Variants in SLK observed in about 807,000 individuals in gnomAD.
SLK encodes the protein STE20 like kinase, also known as STE20-like serine/threonine-protein kinase.
A neutral mutation model predicts 147.7 loss-of-function variants in SLK; 67 were observed. That is an observed-to-expected ratio of 0.45 (90% CI 0.37 to 0.56). The LOEUF (loss-of-function observed/expected upper bound fraction) is 0.56. Ranked by LOEUF, SLK falls within the 20% of genes least tolerant of loss-of-function variation. The pLI is 0.00. For missense variants in SLK, 1,136 were observed against 1,438.8 expected, an observed-to-expected ratio of 0.79 and a Z score of 3.41; for synonymous variants, 441 against 475.0, an observed-to-expected ratio of 0.93 and a Z score of 0.93.
intron 12 of SLK, among the ~76,000 whole-genome samples, chr10:104,009,986 T>G (rs1256512006): frequency 6.6e-6 from 1 of 152,146 alleles, no homozygotes; most frequent in African/African-American, 2.4e-5. Flanking sequence ...AACACATGAT[T>G]GTTTTTCATA....
intron 3 of SLK, 107 bp downstream of exon 3, chr10:103,992,753 G>A: frequency 1.2e-6 from 1 of 804,976 alleles, no homozygotes; most frequent in Non-Finnish European, 1.9e-6. Context: ...ATCGAGTAAA[G>A]TTCAGTAAGT....
At chr10:104,011,694 G>A (rs1844402764) in intron 13 of SLK, among the ~76,000 whole-genome samples, 1 of 151,852 alleles carries the variant, frequency 6.6e-6, no homozygotes, top group East Asian at 1.9e-4. Context: ...CCGAGTAGCT[G>A]GGACTACAGG....
At chr10:104,014,622 T>A (rs58172955) in intron 13 of SLK, among the ~76,000 whole-genome samples, 180 of 152,316 alleles carry the variant, frequency 1.2e-3, no homozygotes, top group African/African-American at 4.1e-3. Flanking sequence ...ATCATTACCA[T>A]TTTTAGCCTT....
chr10:103,992,141 G>GTTTTTTTTTTTTTTTTTT lies in SLK; in HGVS notation c.316-456_316-439dup, dbSNP rs56381345. 6.2e-4 allele frequency among the ~76,000 whole-genome samples: 57 copies of GTTTTTTTTTTTTTTTTTT among 91,794 alleles called. 1 individual carries two copies. Among genetic ancestry groups the GTTTTTTTTTTTTTTTTTT allele is most frequent in the Admixed American group, 7.1e-4 (5 of 6,994 alleles). The allele number at this position is 91,794 out of a possible 152,430, so 60.2% of individuals were successfully genotyped here. ...TGAAGCTTTTGTGGGTATTTCTTCTGTTTTTTTTTTTTTTTTTTCTAAAAG... is the reference window on the plus strand; with the variant it reads ...TGAAGCTTTTGTGGGTATTTCTTCTGTTTTTTTTTTTTTTTTTTTTTTTTTTTTTTTTTTTTCTAAAAG... On this transcript the variant is annotated intron_variant, in intron 2 of 18. Transcript: ENST00000369755.
intron 1 of SLK, among the ~76,000 whole-genome samples, chr10:103,990,401 G>C (rs928363368): frequency 3.3e-5 from 5 of 152,076 alleles, no homozygotes; most frequent in African/African-American, 7.2e-5. Flanking sequence ...AGTGTTGATG[G>C]GGGGGTGGTT....
chr10:104,005,863 A>G (rs1217317141), intron 10 of SLK, 49 bp from the exon 11 acceptor site: 1 of 1,562,032 alleles, frequency 6.4e-7, no homozygotes, highest in East Asian at 2.3e-5. Flanking sequence ...CGTATTTCAG[A>G]AGTGTAATTT....
At chr10:104,004,144 G>A (rs1055913617) in intron 9 of SLK, among the ~76,000 whole-genome samples, 46 of 152,076 alleles carry the variant, frequency 3.0e-4, no homozygotes, top group African/African-American at 1.1e-3. Context: ...CTGCCCCTTG[G>A]AAAATACTTC....
rs1844632339 is a variant in SLK at position 104,028,938 on chromosome 10, C to T, written c.*3218C>T. 6.6e-6 allele frequency: 1 copy of T among 152,140 alleles called. No individual in the cohort carries two copies. Among genetic ancestry groups the T allele is most frequent in the Non-Finnish European group, 1.5e-5 (1 of 68,020 alleles). The allele number at this position is 152,140 out of a possible 1,614,324, so 9.4% of individuals were successfully genotyped here. ...AAGAAATGGGGTGATTCTTTAAATG[C>T]TTTTCTTAAGTTGAAGGCACAACAG... On this transcript the variant is annotated 3_prime_UTR_variant, in exon 19 of 19. Coordinates refer to ENST00000369755, the MANE Select transcript of SLK (RefSeq NM_014720.4).
intron 12 of SLK, 60 bp downstream of exon 12, chr10:104,008,416 G>A (rs1844357943): frequency 8.4e-7 from 1 of 1,192,678 alleles, no homozygotes; most frequent in South Asian, 1.5e-5. Context: ...ATTGTTTTAA[G>A]ACTATCTAAG....
Position 103,993,036 on chromosome 10 carries a change from T to G in SLK, c.417T>G (p.Thr139=). 1 of 1,610,832 alleles carries G rather than the reference T, an allele frequency of 6.2e-7. No individual in the cohort carries two copies. The highest frequency in any genetic ancestry group is 8.5e-7 in the Non-Finnish European group (1 of 1,177,486). Residue 139 remains threonine, a synonymous_variant, in exon 4 of 19, where the codon ACT becomes ACG. Transcript: ENST00000369755. ...ESQIQVVCKQ[T]LDALNYLHDN... ...AAATACAAGTAGTTTGCAAGCAGAC[T>G]TTAGATGCATTGAACTACTTACATG...
intron 1 of SLK, among the ~76,000 whole-genome samples, chr10:103,987,285 G>A (rs983993781): frequency 3.3e-5 from 5 of 152,010 alleles, no homozygotes; most frequent in African/African-American, 1.2e-4. Context: ...GTTATCTAGT[G>A]TGAGTTATTT....
In SLK at chr10:104,003,121, C is replaced by A. The variant is rs544458791; in HGVS notation, c.1943C>A (p.Thr648Asn). Residue 648 changes from threonine to asparagine, a missense_variant, in exon 9 of 19, where the codon ACT becomes AAT. Thr to Asn is a moderately conservative substitution (Grantham distance 65). Transcript: ENST00000369755. ...GAAGAAATCACTGAGTCAAGTAGCACTGAAGAAATGGAGGTCAGAAGTGTG... is the reference window on the plus strand; with the variant it reads ...GAAGAAATCACTGAGTCAAGTAGCAATGAAGAAATGGAGGTCAGAAGTGTG... Reference protein sequence around the residue: ...EGEEITESSSTEEMEVRSVVA... With the variant: ...EGEEITESSSNEEMEVRSVVA... 2 of 1,614,114 alleles carry A rather than the reference C, an allele frequency of 1.2e-6. No individual in the cohort carries two copies. Among genetic ancestry groups the A allele is most frequent in the Non-Finnish European group, 1.7e-6 (2 of 1,180,020 alleles).
chr10:103,987,171 A>G (rs1432823305), intron 1 of SLK, among the ~76,000 whole-genome samples: 1 of 152,168 alleles, frequency 6.6e-6, no homozygotes, highest in Non-Finnish European at 1.5e-5. Flanking sequence ...AATTTGAGGC[A>G]CTATTCTTTT....
intron 14 of SLK, among the ~76,000 whole-genome samples, 168 bp downstream of exon 14, chr10:104,018,457 A>G (rs532473502): frequency 1.3e-5 from 2 of 152,328 alleles, no homozygotes; most frequent in Non-Finnish European, 2.9e-5. Flanking sequence ...AGTATACCTA[A>G]TGGTCGTGTG....
At chr10:103,994,496 A>G (rs1182194154) in intron 4 of SLK, among the ~76,000 whole-genome samples, 1 of 152,034 alleles carries the variant, frequency 6.6e-6, no homozygotes, top group Non-Finnish European at 1.5e-5. Flanking sequence ...GCCTTCCCCC[A>G]TTCCTTTCTT....
rs184536308 is a variant in SLK, at chr10:103,987,453, C to T, written c.151-3222C>T. On this transcript the variant is annotated intron_variant, in intron 1 of 18. Coordinates refer to ENST00000369755, the MANE Select transcript of SLK (RefSeq NM_014720.4). ...CTGTTAAGTGACATTTAGGCTGATT[C>T]ACTTTTTCACTATTGCAAATGGTGC... is the stretch of plus-strand genomic sequence containing the variant. 2.0e-3 allele frequency among the ~76,000 whole-genome samples: 309 copies of T among 152,232 alleles called. 1 individual carries two copies. The highest frequency in any genetic ancestry group is 7.0e-3 in the African/African-American group (291 of 41,544).
At chr10:103,972,589 G>C (rs1843807423) in intron 1 of SLK, among the ~76,000 whole-genome samples, 1 of 151,594 alleles carries the variant, frequency 6.6e-6, no homozygotes, top group Non-Finnish European at 1.5e-5. Flanking sequence ...GGAGAATGGC[G>C]TGAACCCGGG....
intron 18 of SLK, among the ~76,000 whole-genome samples, chr10:104,022,885 G>A (rs913096147): frequency 3.3e-5 from 5 of 152,376 alleles, no homozygotes; most frequent in African/African-American, 1.2e-4. Flanking sequence ...TGGGATTATA[G>A]GCGTGAGCCA....
chr10:103,972,394 C>G (rs977684750), intron 1 of SLK, among the ~76,000 whole-genome samples: 8 of 152,148 alleles, frequency 5.3e-5, no homozygotes, highest in African/African-American at 1.9e-4. Flanking sequence ...CTTGCCCTGC[C>G]AGGCGCGGTG....
Sources: gnomAD v4.1 joint callset for allele counts (sites outside exome capture counted in the v4.1 genomes callset) on GRCh38, gnomAD v4.1.1 for gene constraint, MANE v1.5 for transcripts, NCBI Gene and HGNC (gene_info 2026-07-23, HGNC 2026-07-21) for gene names.